ERBB4: variants seen among roughly 807,000 people sequenced by gnomAD.
ERBB4 encodes receptor tyrosine-protein kinase erbB-4.
In ERBB4, 42 loss-of-function variants were observed where a neutral mutation model predicts 158.0. That is an observed-to-expected ratio of 0.27 (90% CI 0.21 to 0.34). ERBB4 has a LOEUF of 0.34. Among genes scored for constraint, ERBB4 ranks in the 10% least tolerant of loss-of-function variants. ERBB4 has a pLI of 1.00. For synonymous variants in ERBB4, 583 were observed against 558.7 expected, an observed-to-expected ratio of 1.04 and a Z score of -0.61; for missense variants, 1,333 against 1,624.1, an observed-to-expected ratio of 0.82 and a Z score of 3.08.
At chr2:211,775,475 A>T (rs1284431167) in intron 4 of ERBB4, among the ~76,000 whole-genome samples, 3 of 152,210 alleles carry the variant, frequency 2.0e-5, no homozygotes, top group Non-Finnish European at 4.4e-5. Context: ...GGTTTGATTA[A>T]GATAGTTTGA....
chr2:212,183,041 T>C (rs1331047587), intron 1 of ERBB4, among the ~76,000 whole-genome samples: 2 of 151,632 alleles, frequency 1.3e-5, no homozygotes, highest in Admixed American at 6.6e-5. Flanking sequence ...AGGTTATGAG[T>C]TTCAATTTAG....
At chr2:211,587,670 T>C (rs2068327607) in intron 19 of ERBB4, among the ~76,000 whole-genome samples, 1 of 152,022 alleles carries the variant, frequency 6.6e-6, no homozygotes, top group Admixed American at 6.6e-5. Context: ...GTGAATATCA[T>C]TTGTCACTTT....
At chr2:211,448,911 T>C (rs2125471882) in intron 20 of ERBB4, among the ~76,000 whole-genome samples, 1 of 152,282 alleles carries the variant, frequency 6.6e-6, no homozygotes, top group South Asian at 2.1e-4. Context: ...TTAAAATCTC[T>C]TTGGGTAAAC....
chr2:211,850,250 T>C (rs2077685794), intron 3 of ERBB4, among the ~76,000 whole-genome samples: 1 of 151,918 alleles, frequency 6.6e-6, no homozygotes, highest in Non-Finnish European at 1.5e-5. Flanking sequence ...AATTGTATTA[T>C]ATGTTGAGTT....
intron 1 of ERBB4, among the ~76,000 whole-genome samples, chr2:212,228,217 A>T (rs568047955): frequency 6.6e-6 from 1 of 152,228 alleles, no homozygotes; most frequent in Non-Finnish European, 1.5e-5. Flanking sequence ...AACTAAAATA[A>T]AAGAAGTATA....
At chr2:212,186,046 T>C (rs1433246536) in intron 1 of ERBB4, among the ~76,000 whole-genome samples, 1 of 152,150 alleles carries the variant, frequency 6.6e-6, no homozygotes, top group Non-Finnish European at 1.5e-5. Flanking sequence ...TTACAAGAAA[T>C]ACATTGTTTT....
At chr2:211,704,250 C>A (rs2106046776) in intron 10 of ERBB4, 56 bp from the exon 11 acceptor site, 1 of 1,092,710 alleles carries the variant, frequency 9.2e-7, no homozygotes, top group Non-Finnish European at 1.4e-6. Context: ...AGTATTAGTG[C>A]TGATTTTTCT....
chr2:211,744,207 G>C (rs2074890123), intron 5 of ERBB4, among the ~76,000 whole-genome samples: 1 of 152,024 alleles, frequency 6.6e-6, no homozygotes, highest in Non-Finnish European at 1.5e-5. Flanking sequence ...GAGGAACAAT[G>C]ACACAATTAA....
At chr2:212,040,822 G>A (rs775208063) in intron 2 of ERBB4, among the ~76,000 whole-genome samples, 1 of 152,068 alleles carries the variant, frequency 6.6e-6, no homozygotes, top group African/African-American at 2.4e-5. Flanking sequence ...CCGTGAGATT[G>A]ATTTTTACCC....
Position 211,495,649 on chromosome 2 carries a change from G to A in ERBB4, c.2488-64549C>T, listed in dbSNP as rs564510804. 7.9e-5 allele frequency among the ~76,000 whole-genome samples: 12 copies of A among 151,828 alleles called. No individual in the cohort carries two copies. In the South Asian group the frequency reaches 1.0e-3, roughly 13 times the overall value. On this transcript the variant is annotated intron_variant, in intron 20 of 27. Coordinates refer to ENST00000342788, the MANE Select transcript of ERBB4 (RefSeq NM_005235.3). Reference sequence around the variant, plus strand: ...CAAAATATATTTTCCTCTCTACTAGGCACACATCAGTCCATGCCAGAAGAC... The same window carrying A: ...CAAAATATATTTTCCTCTCTACTAGACACACATCAGTCCATGCCAGAAGAC...
At chr2:211,929,048 T>C (rs969118805) in intron 3 of ERBB4, among the ~76,000 whole-genome samples, 1 of 152,116 alleles carries the variant, frequency 6.6e-6, no homozygotes, top group African/African-American at 2.4e-5. Flanking sequence ...AATAAGCAAA[T>C]GAAAATATAC....
intron 1 of ERBB4, among the ~76,000 whole-genome samples, chr2:212,508,427 T>C (rs1052800114): frequency 6.6e-6 from 1 of 152,164 alleles, no homozygotes; most frequent in Non-Finnish European, 1.5e-5. Flanking sequence ...GGTTTATGCA[T>C]TGTGTTATAA....
intron 20 of ERBB4, among the ~76,000 whole-genome samples, chr2:211,511,398 CAG>C (rs2065882125): frequency 6.6e-6 from 1 of 151,850 alleles, no homozygotes; most frequent in Non-Finnish European, 1.5e-5. Flanking sequence ...TAAATACAGA[CAG>C]ATATATTACA....
chr2:212,063,454 C>G (rs10170406), intron 2 of ERBB4, among the ~76,000 whole-genome samples: 93,970 of 151,862 alleles, frequency 0.62, 33,097 homozygotes, highest in East Asian at 0.92. Context: ...AAAGAAAAGT[C>G]ATGATTCCTA....
intron 8 of ERBB4, 62 bp downstream of exon 8, chr2:211,713,473 G>A: frequency 9.9e-7 from 1 of 1,010,170 alleles, no homozygotes; most frequent in South Asian, 1.3e-5. Flanking sequence ...CTACTTAAAA[G>A]TGAATTAAAA....
At chr2:211,499,483 AC>A (rs1445396667) in intron 20 of ERBB4, among the ~76,000 whole-genome samples, 1 of 152,074 alleles carries the variant, frequency 6.6e-6, no homozygotes, top group Non-Finnish European at 1.5e-5. Flanking sequence ...AGATAGCGCC[AC>A]TGCACTCCAG....
chr2:211,884,767 A>C (rs551459111), intron 3 of ERBB4, among the ~76,000 whole-genome samples: 3 of 152,332 alleles, frequency 2.0e-5, no homozygotes, highest in African/African-American at 4.8e-5. Flanking sequence ...ATATCTAAAC[A>C]TGTTATAGTG....
chr2:212,197,808 T>G (rs1559723087), intron 1 of ERBB4, among the ~76,000 whole-genome samples: 1 of 152,216 alleles, frequency 6.6e-6, no homozygotes, highest in African/African-American at 2.4e-5. Flanking sequence ...GAGCATACTC[T>G]GAAATTCCTA....
chr2:212,149,813 C>T (rs546400259), intron 1 of ERBB4, among the ~76,000 whole-genome samples: 1 of 151,986 alleles, frequency 6.6e-6, no homozygotes, highest in East Asian at 1.9e-4. Context: ...TGGAGTAGAC[C>T]GACATGGCAA....
Sources: allele counts gnomAD v4.1 joint callset (sites outside exome capture counted in the v4.1 genomes callset), GRCh38; gene constraint gnomAD v4.1.1; transcripts MANE v1.5; gene names NCBI Gene and HGNC (gene_info 2026-07-23, HGNC 2026-07-21).